Variants in GYG2 observed in about 807,000 individuals in gnomAD.
GYG2 encodes glycogenin 2.
GYG2 carries 29 observed loss-of-function variants against 29.4 expected under a neutral mutation model. The observed-to-expected ratio is 0.99, with a 90% CI of 0.74 to 1.35. The LOEUF (loss-of-function observed/expected upper bound fraction) is 1.35, where lower values mean the gene tolerates loss of function less well. Among genes scored for constraint, GYG2 ranks in the 40% most tolerant of loss-of-function variants. The pLI, the probability that GYG2 is intolerant of heterozygous loss-of-function variation, is 0.00. For synonymous variants in GYG2, 167 were observed against 172.3 expected (o/e 0.97, Z 0.24); for missense variants, 370 against 385.7 (o/e 0.96, Z 0.34).
intron 8 of GYG2, among the ~76,000 whole-genome samples, chrX:2,868,467 A>G (rs1298473528): frequency 9.1e-6 from 1 of 109,738 alleles, no homozygotes; most frequent in Non-Finnish European, 1.9e-5. Flanking sequence ...AAAAAAAAAA[A>G]AAAAAAAAAA....
At chrX:2,879,909 A>AGATG (rs771717765) in intron 10 of GYG2, among the ~76,000 whole-genome samples, 38 of 110,492 alleles carry the variant, frequency 3.4e-4, no homozygotes, top group Non-Finnish European at 3.2e-4. Flanking sequence ...ATGGATGGAC[A>AGATG]GATGGATGGA....
intron 1 of GYG2, chrX:2,829,473 C>T (rs7060444): frequency 0.53 from 39,312 of 73,930 alleles, 11,151 homozygotes; most frequent in Non-Finnish European, 0.69. Context: ...GTGGAGGGGG[C>T]TCGGGGGCGC....
chrX:2,842,374 T>C (rs76459172), intron 2 of GYG2, among the ~76,000 whole-genome samples: 1 of 107,054 alleles, frequency 9.3e-6, no homozygotes, highest in African/African-American at 3.4e-5. Context: ...TTTTTTTTTT[T>C]CCAGTACAGA....
intron 2 of GYG2, among the ~76,000 whole-genome samples, chrX:2,840,811 G>A (rs1373272910): frequency 9.0e-6 from 1 of 110,848 alleles, no homozygotes; most frequent in African/African-American, 3.3e-5. Flanking sequence ...ATAAATAGAT[G>A]ATAGAGATAC....
At position 2,859,901 on chromosome X, in the gene GYG2, A is replaced by G. The variant is rs1456152402; in HGVS notation, c.673A>G (p.Lys225Glu). 3 of 1,204,223 alleles carry G rather than the reference A, an allele frequency of 2.5e-6. No individual in the cohort carries two copies. Among genetic ancestry groups the G allele is most frequent in the Non-Finnish European group, 3.4e-6 (3 of 890,855 alleles). The change falls in exon 7 of 11, where the codon AAG becomes GAG. Residue 225 changes from lysine (K) to glutamate (E), a missense_variant. Coordinates refer to ENST00000398806, the MANE Select transcript of GYG2 (RefSeq NM_001079855.2). ...FLGSMKPWNYKYNPQSGSVLE... is the reference protein window; with the variant it reads ...FLGSMKPWNYEYNPQSGSVLE... Reference sequence around the variant, plus strand: ...GGGGTCCATGAAACCTTGGAACTACAAGTACAATCCACAGAGTGGCTCGGT... The same window carrying G: ...GGGGTCCATGAAACCTTGGAACTACGAGTACAATCCACAGAGTGGCTCGGT...
chrX:2,845,553 T>TTATATACACGTGTG (rs2087681723), intron 3 of GYG2, among the ~76,000 whole-genome samples: 1 of 1,647 alleles, frequency 6.1e-4, no homozygotes, highest in African/African-American at 7.4e-4. Flanking sequence ...GTATGTATAT[T>TTATATACACGTGTG]TATATACACG....
chrX:2,841,197 CAGAT>C (rs774023884), intron 2 of GYG2, among the ~76,000 whole-genome samples: 35 of 102,134 alleles, frequency 3.4e-4, no homozygotes, highest in African/African-American at 1.2e-3. Flanking sequence ...GGATATATGA[CAGAT>C]AGATGGATAG....
At chrX:2,851,784 CATT>C (rs2087877936) in intron 3 of GYG2, among the ~76,000 whole-genome samples, 2 of 112,015 alleles carry the variant, frequency 1.8e-5, no homozygotes, top group Middle Eastern at 4.6e-3. Context: ...TTGGCATAGA[CATT>C]ATACAAACAG....
intron 6 of GYG2, among the ~76,000 whole-genome samples, chrX:2,857,433 G>T (rs2088043304): frequency 9.2e-6 from 1 of 108,576 alleles, no homozygotes; most frequent in Non-Finnish European, 1.9e-5. Context: ...TCTAGATCCA[G>T]ATATCTATCT....
chrX:2,850,704 G>T (rs1343662324), intron 3 of GYG2, among the ~76,000 whole-genome samples: 1 of 110,556 alleles, frequency 9.0e-6, no homozygotes, highest in Non-Finnish European at 1.9e-5. Flanking sequence ...GCTCATCCTG[G>T]CTCAAAAGCT....
At chrX:2,857,548 ATC>A (rs891628277) in intron 6 of GYG2, among the ~76,000 whole-genome samples, 1 of 110,120 alleles carries the variant, frequency 9.1e-6, no homozygotes, top group East Asian at 2.9e-4. Flanking sequence ...CTAGATCTAG[ATC>A]TCTCTCTATA....
chrX:2,843,180 G>T lies in GYG2; in HGVS notation c.8-33G>T, dbSNP rs980143406. 1.1e-5 allele frequency: 13 copies of T among 1,162,560 alleles called. No homozygotes were observed. In the Admixed American group the frequency reaches 2.0e-4, roughly 18 times the overall value. On this transcript the variant is annotated intron_variant, in intron 2 of 10. Coordinates refer to ENST00000398806, the MANE Select transcript of GYG2 (RefSeq NM_001079855.2). ...CCGTCACCCCTGCTGTCCCTCAGGA[G>T]TGTAACTCTGGTGTTTCTGTTGATT...
Position 2,881,308 on chromosome X carries a change from G to T in GYG2, c.*95G>T. The T allele has an allele frequency of 1.4e-6, 1 of 737,874 alleles. No homozygotes were observed. Among genetic ancestry groups the T allele is most frequent in the South Asian group, 2.9e-5 (1 of 34,497 alleles). The allele number at this position is 737,874 out of a possible 1,213,427, so 60.8% of individuals were successfully genotyped here. A position where few individuals can be genotyped will look rare whatever the true frequency, so the allele number is the denominator to read the frequency against. On this transcript the variant is annotated 3_prime_UTR_variant, in exon 11 of 11. Transcript: ENST00000398806. Reference sequence around the variant, plus strand: ...TCCTCTGGTCCTTTCAAAGGGAAACGCTGTTGAACCTTGTGCCTCTATTTA... The same window carrying T: ...TCCTCTGGTCCTTTCAAAGGGAAACTCTGTTGAACCTTGTGCCTCTATTTA...
chrX:2,876,033 C>G (rs376578478), intron 9 of GYG2, 119 bp downstream of exon 9: 1 of 138,042 alleles, frequency 7.2e-6, no homozygotes, highest in African/African-American at 7.1e-5. Flanking sequence ...AAATTCCTCC[C>G]TTTTTTTTTT....
At chrX:2,844,498 G>A (rs1277152927) in intron 3 of GYG2, among the ~76,000 whole-genome samples, 6 of 104,396 alleles carry the variant, frequency 5.7e-5, no homozygotes, top group South Asian at 4.2e-4. Flanking sequence ...ATGCACGCGT[G>A]TGCGTATATA....
At chrX:2,862,761 T>G (rs1413632399) in intron 8 of GYG2, among the ~76,000 whole-genome samples, 1 of 111,325 alleles carries the variant, frequency 9.0e-6, no homozygotes, top group African/African-American at 3.3e-5. Context: ...TATCTTGTGT[T>G]TAAAGATTTC....
rs138157757 is a variant in GYG2, at chrX:2,859,965, C to T, written c.737C>T (p.Ala246Val). The part of the protein sequence containing the change: ...QGSASSSQHQ[A>V]AFLHLWWTVY... The stretch of plus-strand genomic sequence containing the variant: ...TCAGCGTCCAGCAGCCAGCACCAGG[C>T]GGCATTCCTTCATCTCTGGTGGACG... Residue 246 changes from alanine (A) to valine (V), a missense_variant, in exon 7 of 11, where the codon GCG (alanine) becomes GTG (valine). Ala to Val is a moderately conservative substitution (Grantham distance 64). Coordinates refer to ENST00000398806, the MANE Select transcript of GYG2 (RefSeq NM_001079855.2). The T allele has an allele frequency of 1.7e-5, 21 of 1,200,775 alleles. No individual in the cohort carries two copies. Among genetic ancestry groups the T allele is most frequent in the South Asian group, 5.4e-5 (3 of 55,963 alleles).
intron 3 of GYG2, among the ~76,000 whole-genome samples, chrX:2,849,884 G>C (rs778535754): frequency 1.2e-4 from 13 of 111,678 alleles, no homozygotes; most frequent in Middle Eastern, 4.7e-3. Flanking sequence ...GGAGGCTGAA[G>C]TGGGAGGATC....
At chrX:2,865,790 A>T (rs1280539057) in intron 8 of GYG2, among the ~76,000 whole-genome samples, 1 of 111,947 alleles carries the variant, frequency 8.9e-6, no homozygotes, top group Non-Finnish European at 1.9e-5. Context: ...GTTGATGGGG[A>T]TTAAAAATAA....
Sources: allele counts gnomAD v4.1 joint callset (sites outside exome capture counted in the v4.1 genomes callset), GRCh38; gene constraint gnomAD v4.1.1; transcripts MANE v1.5; gene names NCBI Gene and HGNC (gene_info 2026-07-23, HGNC 2026-07-21).